The following SCG3 variants were observed in gnomAD, a reference collection of about 807,000 sequenced individuals.
SCG3 encodes the protein secretogranin III, also known as secretogranin-3.
SCG3 carries 38 observed loss-of-function variants against 56.2 expected under a neutral mutation model. That is an observed-to-expected ratio of 0.68 (90% confidence interval 0.52 to 0.89). The LOEUF is 0.89. SCG3 is among the 40% of genes least tolerant of loss of function. SCG3 has a pLI of 0.00. For synonymous variants in SCG3, 176 were observed against 184.2 expected, an observed-to-expected ratio of 0.96 and a Z score of 0.36; for missense variants, 524 against 540.7, an observed-to-expected ratio of 0.97 and a Z score of 0.31.
chr15:51,710,379 A>T (rs942380947), intron 10 of SCG3, among the ~76,000 whole-genome samples: 8 of 152,186 alleles, frequency 5.3e-5, no homozygotes, highest in African/African-American at 1.9e-4. Flanking sequence ...CATGTATGTT[A>T]TAACCCATAA....
Position 51,682,531 on chromosome 15 carries a change from A to G in SCG3, c.97A>G (p.Asn33Asp). 1 of 1,449,830 alleles carries G rather than the reference A, an allele frequency of 6.9e-7. No individual in the cohort carries two copies. The highest frequency in any genetic ancestry group is 1.3e-5 in the South Asian group (1 of 74,346). 89.8% of individuals were successfully genotyped at this position (1,449,830 alleles called of 1,614,324 possible). ...GTTTATTCTAGACAAATCTCTACATAATAGAGAATTAAGTGCAGAAAGACC... is the reference window on the plus strand; with the variant it reads ...GTTTATTCTAGACAAATCTCTACATGATAGAGAATTAAGTGCAGAAAGACC... ...PGGSQDKSLH[N>D]RELSAERPLN... Residue 33 changes from asparagine (N) to aspartate (D), a missense_variant, in exon 2 of 12, where the codon AAT becomes GAT. Physicochemically the swap from Asn to Asp is conservative, Grantham distance 23. Coordinates refer to ENST00000220478, the MANE Select transcript of SCG3 (RefSeq NM_013243.4).
rs1595828886 is a variant in SCG3 at position 51,688,340 on chromosome 15, T to C, written c.478T>C (p.Tyr160His). The change falls in exon 5 of 12, where the codon TAT becomes CAT. Residue 160 changes from tyrosine to histidine, a missense_variant. Transcript: ENST00000220478. ...TGTCCATAAAATCGCTGCCAGGATTTATGAAGAAAATGACAGAGCCGTGTT... is the reference window on the plus strand; with the variant it reads ...TGTCCATAAAATCGCTGCCAGGATTCATGAAGAAAATGACAGAGCCGTGTT... ...DIVHKIAARIYEENDRAVFDK... is the reference protein window; with the variant it reads ...DIVHKIAARIHEENDRAVFDK... 2 of 1,613,892 alleles carry C rather than the reference T, an allele frequency of 1.2e-6. No individual in the cohort carries two copies. Among genetic ancestry groups the C allele is most frequent in the East Asian group, 2.2e-5 (1 of 44,870 alleles).
chr15:51,687,632 G>C (rs1345078612), intron 4 of SCG3, among the ~76,000 whole-genome samples: 3 of 152,226 alleles, frequency 2.0e-5, no homozygotes, highest in Non-Finnish European at 4.4e-5. Context: ...ATAAACTACA[G>C]TAAGATCCCT....
chr15:51,688,640 G>A (rs1020324909), intron 5 of SCG3, among the ~76,000 whole-genome samples: 1 of 152,060 alleles, frequency 6.6e-6, no homozygotes, highest in African/African-American at 2.4e-5. Flanking sequence ...AACCATAAGA[G>A]CCAGAGAATA....
intron 10 of SCG3, among the ~76,000 whole-genome samples, chr15:51,710,821 C>G (rs942971065): frequency 7.0e-6 from 1 of 143,116 alleles, no homozygotes. Context: ...GTCTCAAACT[C>G]TTAGGTTCAA....
At chr15:51,716,260 G>A (rs536829297) in intron 11 of SCG3, among the ~76,000 whole-genome samples, 1 of 152,328 alleles carries the variant, frequency 6.6e-6, no homozygotes, top group Non-Finnish European at 1.5e-5. Flanking sequence ...TGCAGAGGCA[G>A]TATTAATGAA....
chr15:51,717,579 A>G (rs529045282), intron 11 of SCG3, among the ~76,000 whole-genome samples: 26 of 152,296 alleles, frequency 1.7e-4, no homozygotes, highest in African/African-American at 5.8e-4. Context: ...ATTCAGAGAA[A>G]TGCATTTACT....
At chr15:51,695,322 T>TA (rs1211770834) in intron 7 of SCG3, among the ~76,000 whole-genome samples, 1 of 152,200 alleles carries the variant, frequency 6.6e-6, no homozygotes, top group Non-Finnish European at 1.5e-5. Context: ...CTCAGAGACT[T>TA]ACCACCTGAG....
chr15:51,692,445 A>G, intron 7 of SCG3, 109 bp downstream of exon 7: 1 of 1,010,842 alleles, frequency 9.9e-7, no homozygotes, highest in South Asian at 2.1e-5. Context: ...ATCTCCAATG[A>G]CATACACTGT....
rs777714389 is a variant in SCG3, at chr15:51,699,444, C to A, written c.1069+42C>A. ...ATTTTTTTAGCCTTTAGAATAATAACCCTTTTGAGTGGTAAATAATGAACT... is the reference window on the plus strand; with the variant it reads ...ATTTTTTTAGCCTTTAGAATAATAAACCTTTTGAGTGGTAAATAATGAACT... On this transcript the variant is annotated intron_variant, in intron 9 of 11. Transcript: ENST00000220478. The A allele has an allele frequency of 1.6e-5, 19 of 1,215,572 alleles. No homozygotes were observed. In the African/African-American group the frequency reaches 2.3e-4, roughly 15 times the overall value. 75.3% of individuals were successfully genotyped at this position (1,215,572 alleles called of 1,614,324 possible).
At chr15:51,686,022 G>A (rs1389174379) in intron 4 of SCG3, among the ~76,000 whole-genome samples, 1 of 152,162 alleles carries the variant, frequency 6.6e-6, no homozygotes, top group Admixed American at 6.5e-5. Flanking sequence ...TGAATGTCAA[G>A]TGCTATGTTA....
chr15:51,681,612 T>C lies in SCG3; in HGVS notation c.-144T>C. ...CTTGACCGTCGAGTGTCAGAGATCCTGCAGCCGCCCAGTCCCGGCCCCTCT... is the reference window on the plus strand; with the variant it reads ...CTTGACCGTCGAGTGTCAGAGATCCCGCAGCCGCCCAGTCCCGGCCCCTCT... On this transcript the variant is annotated 5_prime_UTR_variant, in exon 1 of 12. Coordinates refer to ENST00000220478, the MANE Select transcript of SCG3 (RefSeq NM_013243.4). 3.1e-6 allele frequency: 2 copies of C among 648,660 alleles called. No individual in the cohort carries two copies. The highest frequency in any genetic ancestry group is 2.8e-6 in the Non-Finnish European group (1 of 363,110). The allele number at this position is 648,660 out of a possible 1,614,324, so 40.2% of individuals were successfully genotyped here.
intron 9 of SCG3, 69 bp from the exon 10 acceptor site, chr15:51,701,038 T>C: frequency 6.3e-7 from 1 of 1,575,952 alleles, no homozygotes; most frequent in Non-Finnish European, 8.6e-7. Context: ...ATAAAGTTGA[T>C]TTCTACTTTA....
chr15:51,702,304 T>TGCCC (rs1225213772), intron 10 of SCG3, among the ~76,000 whole-genome samples: 3 of 152,182 alleles, frequency 2.0e-5, no homozygotes, highest in African/African-American at 7.2e-5. Flanking sequence ...TTGCCCAGGC[T>TGCCC]AGAGTACAGT....
intron 1 of SCG3, 94 bp from the exon 2 acceptor site, chr15:51,682,420 CTAA>C (rs1166710379): frequency 2.2e-5 from 13 of 591,180 alleles, no homozygotes; most frequent in African/African-American, 7.9e-5. Context: ...ATTATTTCTC[CTAA>C]TATTTTTCCT....
intron 6 of SCG3, among the ~76,000 whole-genome samples, chr15:51,690,957 T>C (rs2055263114): frequency 6.6e-6 from 1 of 152,176 alleles, no homozygotes; most frequent in Non-Finnish European, 1.5e-5. Flanking sequence ...AAGAGGTAGA[T>C]CATGTTTAAA....
chr15:51,704,493 G>A (rs1395472705), intron 10 of SCG3, among the ~76,000 whole-genome samples: 2 of 148,894 alleles, frequency 1.3e-5, no homozygotes, highest in South Asian at 2.1e-4. Flanking sequence ...CCCACTCCAC[G>A]GCAATAACCA....
chr15:51,718,835 CTT>C (rs150027290), intron 11 of SCG3, among the ~76,000 whole-genome samples: 1,664 of 151,890 alleles, frequency 0.011, 18 homozygotes, highest in African/African-American at 0.025. Flanking sequence ...TAAAGTAACT[CTT>C]AATTTGAAAA....
chr15:51,720,633 G>A lies in SCG3; in HGVS notation c.*1107G>A, dbSNP rs1251514530. 1.3e-5 allele frequency: 2 copies of A among 152,268 alleles called. No homozygotes were observed. Among genetic ancestry groups the A allele is most frequent in the African/African-American group, 4.8e-5 (2 of 41,454 alleles). The allele number at this position is 152,268 out of a possible 1,614,324, so 9.4% of individuals were successfully genotyped here. On this transcript the variant is annotated 3_prime_UTR_variant, in exon 12 of 12. Transcript: ENST00000220478. ...TGTAATTTGTGTATTAGTGAGAGGTGAAGCCAGCTGGACTTCCTGGGTCGA... is the reference window on the plus strand; with the variant it reads ...TGTAATTTGTGTATTAGTGAGAGGTAAAGCCAGCTGGACTTCCTGGGTCGA...
Sources: allele counts gnomAD v4.1 joint callset (sites outside exome capture counted in the v4.1 genomes callset), GRCh38; gene constraint gnomAD v4.1.1; transcripts MANE v1.5; gene names NCBI Gene and HGNC (gene_info 2026-07-23, HGNC 2026-07-21).